The following BTBD9 variants were observed in gnomAD, a reference collection of about 807,000 sequenced individuals.
BTBD9 encodes BTB/POZ domain-containing protein 9.
BTBD9 carries 49 observed loss-of-function variants against 64.3 expected under a neutral mutation model. The ratio of observed to expected loss-of-function variants is 0.76; its 90% CI spans 0.61 to 0.97. The LOEUF is 0.97. Ranked by LOEUF, BTBD9 falls within the 50% of genes least tolerant of loss-of-function variation. The pLI, the probability that BTBD9 is intolerant of heterozygous loss-of-function variation, is 0.00. For synonymous variants in BTBD9, 260 were observed against 274.7 expected (o/e 0.95, Z 0.53); for missense variants, 598 against 762.1 (o/e 0.78, Z 2.53).
chr6:38,195,028 G>A (rs182422938), intron 9 of BTBD9, among the ~76,000 whole-genome samples: 3 of 152,334 alleles, frequency 2.0e-5, no homozygotes, highest in Non-Finnish European at 2.9e-5. Context: ...ATTTTCAGCA[G>A]AGCCGGATAG....
intron 6 of BTBD9, among the ~76,000 whole-genome samples, chr6:38,362,104 A>G (rs1050777959): frequency 1.3e-5 from 2 of 152,150 alleles, no homozygotes; most frequent in Non-Finnish European, 2.9e-5. Context: ...ACTCACATGG[A>G]TTCTGTTCCT....
At chr6:38,472,116 T>C (rs1770676590) in intron 6 of BTBD9, among the ~76,000 whole-genome samples, 1 of 152,222 alleles carries the variant, frequency 6.6e-6, no homozygotes, top group South Asian at 2.1e-4. Flanking sequence ...GGGATTTCAC[T>C]TTTCTGTAGC....
At chr6:38,412,794 GGTTGCA>G (rs1288276103) in intron 6 of BTBD9, among the ~76,000 whole-genome samples, 1 of 152,088 alleles carries the variant, frequency 6.6e-6, no homozygotes, top group African/African-American at 2.4e-5. Context: ...AGGAGGTGGA[GGTTGCA>G]GTGAGCCGAG....
rs369133808 is a variant in BTBD9 at position 38,487,684 on chromosome 6, GGAAAA to G, written c.1154+89911_1154+89915del. Among the ~76,000 whole-genome samples, 1,032 of 150,500 alleles carry G rather than the reference GGAAAA, an allele frequency of 6.9e-3. 7 individuals carry two copies. Among genetic ancestry groups the G allele is most frequent in the African/African-American group, 0.024 (971 of 40,816 alleles). On this transcript the variant is annotated intron_variant, in intron 6 of 10. Transcript: ENST00000481247. ...GGAAAAGAGAAGAAAAGAGAAGAAAGGAAAAGAAAAGAAAAGAAAAAAGAAAGGTG... is the reference window on the plus strand; with the variant it reads ...GGAAAAGAGAAGAAAAGAGAAGAAAGGAAAAGAAAAGAAAAAAGAAAGGTG...
At chr6:38,575,483 G>A (rs762445824) in intron 6 of BTBD9, among the ~76,000 whole-genome samples, 1 of 152,132 alleles carries the variant, frequency 6.6e-6, no homozygotes, top group Non-Finnish European at 1.5e-5. Flanking sequence ...ACGTGCTAAG[G>A]AAATAAACAA....
chr6:38,428,693 T>C (rs575521893), intron 6 of BTBD9, among the ~76,000 whole-genome samples: 4 of 151,542 alleles, frequency 2.6e-5, no homozygotes, highest in East Asian at 1.9e-4. Context: ...TATTCAGGCA[T>C]TGGAATGATT....
intron 4 of BTBD9, among the ~76,000 whole-genome samples, chr6:38,591,711 T>G (rs1776797125): frequency 1.3e-5 from 2 of 152,172 alleles, no homozygotes; most frequent in Admixed American, 6.6e-5. Context: ...CTCAAAGAGT[T>G]GTGAGAATTA....
Position 38,191,415 on chromosome 6 carries a change from T to C in BTBD9, c.1641+1104A>G, listed in dbSNP as rs569221584. ...ATGGAAACGAGAAGCCCTGTGTTCA[T>C]AAAGCAGTAGAAAACCTTTCTGCTT... On this transcript the variant is annotated intron_variant, in intron 10 of 10. Transcript: ENST00000481247. 3.9e-5 allele frequency among the ~76,000 whole-genome samples: 6 copies of C among 152,354 alleles called. No individual in the cohort carries two copies. The South Asian group carries it at 1.0e-3, about 26-fold the overall frequency.
intron 6 of BTBD9, among the ~76,000 whole-genome samples, chr6:38,545,146 T>C (rs2814885): frequency 0.69 from 103,872 of 151,558 alleles, 36,674 homozygotes; most frequent in African/African-American, 0.87. Context: ...GGCTGGAGTG[T>C]GGAGGCGCAA....
In BTBD9 at chr6:38,614,633, G is replaced by A. The variant is rs534115580; in HGVS notation, c.-27-16512C>T. Among the ~76,000 whole-genome samples the A allele has an allele frequency of 1.7e-4, 26 of 152,260 alleles. No homozygotes were observed. In the South Asian group the frequency reaches 2.7e-3, roughly 16 times the overall value. ...CAATGTTCCCTAGCTCAGTGAATCC[G>A]GCTGTGGAAGCCAGAAAGACACTGC... is the stretch of plus-strand genomic sequence containing the variant. On this transcript the variant is annotated intron_variant, in intron 1 of 10. Transcript: ENST00000481247.
At chr6:38,252,204 T>C (rs1391841109) in intron 9 of BTBD9, among the ~76,000 whole-genome samples, 1 of 152,196 alleles carries the variant, frequency 6.6e-6, no homozygotes, top group Non-Finnish European at 1.5e-5. Context: ...TTTTGATTTC[T>C]TGACGAGGTA....
At chr6:38,619,543 C>A (rs1582727619) in intron 1 of BTBD9, among the ~76,000 whole-genome samples, 1 of 152,182 alleles carries the variant, frequency 6.6e-6, no homozygotes, top group Non-Finnish European at 1.5e-5. Flanking sequence ...AGGCACACTG[C>A]CCCAGAGGAC....
At chr6:38,239,551 A>G (rs1763922068) in intron 9 of BTBD9, among the ~76,000 whole-genome samples, 1 of 152,104 alleles carries the variant, frequency 6.6e-6, no homozygotes, top group African/African-American at 2.4e-5. Context: ...AGGATACCAA[A>G]CCCTTGAGTA....
At chr6:38,603,877 G>T (rs1186413504) in intron 1 of BTBD9, among the ~76,000 whole-genome samples, 1 of 152,216 alleles carries the variant, frequency 6.6e-6, no homozygotes, top group Non-Finnish European at 1.5e-5. Flanking sequence ...TGGTACCCAT[G>T]TGCTGTGTAA....
At chr6:38,591,368 T>C (rs1404148094) in intron 4 of BTBD9, among the ~76,000 whole-genome samples, 1 of 152,204 alleles carries the variant, frequency 6.6e-6, no homozygotes, top group African/African-American at 2.4e-5. Flanking sequence ...AAGGCTCAAC[T>C]CAAGCTTCAT....
chr6:38,331,740 TC>T (rs1338336255), intron 7 of BTBD9, among the ~76,000 whole-genome samples: 1 of 151,888 alleles, frequency 6.6e-6, no homozygotes, highest in Non-Finnish European at 1.5e-5. Context: ...ATGCCTGTGG[TC>T]CCAGCTACTT....
In BTBD9 at chr6:38,521,184, G is replaced by A. The variant is rs187309661; in HGVS notation, c.1154+56416C>T. ...AAGTCACACCACCTCAGTTCAAATC[G>A]CCACTCTGCCCTTTATTGAATGTAT... On this transcript the variant is annotated intron_variant, in intron 6 of 10. Coordinates refer to ENST00000481247, the MANE Select transcript of BTBD9 (RefSeq NM_001099272.2). Among the ~76,000 whole-genome samples the A allele has an allele frequency of 6.5e-3, 985 of 150,862 alleles. 3 individuals are homozygous for A. The highest frequency in any genetic ancestry group is 0.012 in the Non-Finnish European group (795 of 67,850).
intron 6 of BTBD9, among the ~76,000 whole-genome samples, chr6:38,475,297 A>G (rs1378192184): frequency 1.3e-5 from 2 of 152,184 alleles, no homozygotes; most frequent in African/African-American, 4.8e-5. Flanking sequence ...TAATACTTAT[A>G]TTCTCAGAAA....
At chr6:38,484,438 G>A (rs1405432278) in intron 6 of BTBD9, among the ~76,000 whole-genome samples, 2 of 152,210 alleles carry the variant, frequency 1.3e-5, no homozygotes, top group Non-Finnish European at 2.9e-5. Flanking sequence ...AGTTCCTGAA[G>A]AAGAATACTG....
Sources: gnomAD v4.1 joint callset for allele counts (sites outside exome capture counted in the v4.1 genomes callset) on GRCh38, gnomAD v4.1.1 for gene constraint, MANE v1.5 for transcripts, NCBI Gene and HGNC (gene_info 2026-07-23, HGNC 2026-07-21) for gene names.